The following IQSEC1 variants were observed in gnomAD, a reference collection of about 807,000 sequenced individuals.
IQSEC1 encodes the protein IQ motif and Sec7 domain ArfGEF 1.
IQSEC1 carries 31 observed loss-of-function variants against 91.0 expected under a neutral mutation model. The observed-to-expected ratio is 0.34, with a 90% CI of 0.26 to 0.46. The LOEUF (loss-of-function observed/expected upper bound fraction) is 0.46. Ranked by LOEUF, IQSEC1 falls within the 20% of genes least tolerant of loss-of-function variation. The pLI, the probability that IQSEC1 is intolerant of heterozygous loss-of-function variation, is 1.00. For synonymous variants in IQSEC1, 699 were observed against 662.6 expected, an observed-to-expected ratio of 1.05 and a Z score of -0.84; for missense variants, 1,388 against 1,575.6, an observed-to-expected ratio of 0.88 and a Z score of 2.02.
At chr3:12,906,603 G>C (rs1397052202) in intron 12 of IQSEC1, among the ~76,000 whole-genome samples, 1 of 152,236 alleles carries the variant, frequency 6.6e-6, no homozygotes, top group East Asian at 1.9e-4. Context: ...GTCCGTCTGA[G>C]CTCAGAATTC....
chr3:13,112,414 C>G (rs913381120), intron 2 of IQSEC1, among the ~76,000 whole-genome samples: 2 of 152,220 alleles, frequency 1.3e-5, no homozygotes, highest in Non-Finnish European at 2.9e-5. Flanking sequence ...GAAGAGTCCC[C>G]GGCACATGTG....
chr3:12,897,267 G>A lies in IQSEC1; in HGVS notation c.*3716C>T, dbSNP rs1263925363. 1 of 152,214 alleles carries A rather than the reference G, an allele frequency of 6.6e-6. No individual in the cohort carries two copies. The highest frequency in any genetic ancestry group is 1.5e-5 in the Non-Finnish European group (1 of 68,038). The allele number at this position is 152,214 out of a possible 1,614,324, so 9.4% of individuals were successfully genotyped here. A position where few individuals can be genotyped will look rare whatever the true frequency, so the allele number is the denominator to read the frequency against. The stretch of plus-strand genomic sequence containing the variant: ...ATTTCCCCACATGATCACAACCATG[G>A]TTTTACATTGATAGAGTCTGTTGCC... On this transcript the variant is annotated 3_prime_UTR_variant, in exon 14 of 14. Coordinates refer to ENST00000613206, the MANE Select transcript of IQSEC1 (RefSeq NM_001134382.3).
At chr3:13,117,613 G>A (rs1439356764) in intron 2 of IQSEC1, among the ~76,000 whole-genome samples, 1 of 144,260 alleles carries the variant, frequency 6.9e-6, no homozygotes, top group African/African-American at 2.6e-5. Context: ...ACGGCTGGGT[G>A]CAGTGGCTGA....
chr3:13,136,547 C>T (rs982707280), intron 2 of IQSEC1, among the ~76,000 whole-genome samples: 9 of 152,150 alleles, frequency 5.9e-5, no homozygotes, highest in South Asian at 2.1e-4. Context: ...ACAAAGGAGG[C>T]GGATCCAGGA....
upstream of IQSEC1, among the ~76,000 whole-genome samples, chr3:13,073,573 G>A (rs1017816916): frequency 6.6e-6 from 1 of 151,858 alleles, no homozygotes; most frequent in Non-Finnish European, 1.5e-5. Context: ...GCGCCCTCGC[G>A]GCAAAGTCAC....
At chr3:13,263,439 G>GAT (rs1695428589) in intron 1 of IQSEC1, among the ~76,000 whole-genome samples, 20 of 107,254 alleles carry the variant, frequency 1.9e-4, no homozygotes, top group East Asian at 6.3e-4. Flanking sequence ...GGGGGGGGGG[G>GAT]AAAGTACCTG....
chr3:13,110,422 C>G (rs375270714), intron 2 of IQSEC1, among the ~76,000 whole-genome samples: 7 of 152,100 alleles, frequency 4.6e-5, no homozygotes, highest in Admixed American at 2.0e-4. Context: ...AATCCCGTCT[C>G]TACTAAAAAT....
Position 12,900,799 on chromosome 3 carries a change from C to T in IQSEC1, c.*184G>A. The T allele has an allele frequency of 2.1e-6, 3 of 1,453,498 alleles. No homozygotes were observed. Among genetic ancestry groups the T allele is most frequent in the East Asian group, 2.5e-5 (1 of 40,162 alleles). The allele number at this position is 1,453,498 out of a possible 1,614,324, so 90.0% of individuals were successfully genotyped here. On this transcript the variant is annotated 3_prime_UTR_variant, in exon 14 of 14. Transcript: ENST00000613206. ...CCAGGGTGCCAACAAGAAATGAAAT[C>T]TGGGCCTTTGTTCCACACAACACCA...
chr3:13,179,148 G>T (rs528669948), intron 1 of IQSEC1, among the ~76,000 whole-genome samples: 1 of 152,316 alleles, frequency 6.6e-6, no homozygotes, highest in Non-Finnish European at 1.5e-5. Context: ...TGCAGAGCCT[G>T]ATTAAAGCCT....
chr3:12,936,274 T>G lies in IQSEC1; in HGVS notation c.742A>C (p.Ser248Arg). The G allele has an allele frequency of 6.2e-7, 1 of 1,613,302 alleles. No homozygotes were observed. The highest frequency in any genetic ancestry group is 1.1e-5 in the South Asian group (1 of 91,054). ...GCCGGTGCCTCCTCAGTGTGCAGGC[T>G]GCGGCAGTTGAGGGCATCGTCGATG... ...ESIDDALNCR[S>R]LHTEEAPALD... is the part of the protein sequence containing the mutation. The change falls in exon 3 of 14, where the codon AGC (serine) becomes CGC (arginine). Residue 248 changes from serine to arginine, a missense_variant. Transcript: ENST00000613206.
intron 1 of IQSEC1, among the ~76,000 whole-genome samples, chr3:13,183,442 T>G (rs1037527701): frequency 1.4e-5 from 2 of 144,802 alleles, no homozygotes; most frequent in African/African-American, 5.7e-5. Flanking sequence ...GGTGCAGGCC[T>G]GTGGTCCCAG....
intron 2 of IQSEC1, among the ~76,000 whole-genome samples, chr3:13,096,733 T>C (rs1480777968): frequency 6.6e-6 from 1 of 152,194 alleles, no homozygotes; most frequent in Non-Finnish European, 1.5e-5. Context: ...AGAATAGCAC[T>C]GTCACGCTTG....
Position 12,994,038 on chromosome 3 carries a change from C to A in IQSEC1, c.24-52173G>T, listed in dbSNP as rs1311002749. Among the ~76,000 whole-genome samples the A allele has an allele frequency of 6.7e-6, 1 of 148,670 alleles. No homozygotes were observed. The highest frequency in any genetic ancestry group is 1.5e-5 in the Non-Finnish European group (1 of 66,648). On this transcript the variant is annotated intron_variant, in intron 1 of 13. Coordinates refer to ENST00000613206, the MANE Select transcript of IQSEC1 (RefSeq NM_001134382.3). This position sits in a 1 kb window ranked among gnomAD's most constrained non-coding sequence, Gnocchi z 4.5. The stretch of plus-strand genomic sequence containing the variant: ...GCGACCCCCGCCCGGGGCCCCGCAC[C>A]GCACCGGTCGCCGGGCGCGTCCCCC...
At chr3:13,143,707 G>A (rs550217585) in intron 2 of IQSEC1, among the ~76,000 whole-genome samples, 8 of 152,292 alleles carry the variant, frequency 5.3e-5, no homozygotes, top group African/African-American at 1.9e-4. Context: ...TTGGGTGGCT[G>A]GGGCTGTGGG....
upstream of IQSEC1, among the ~76,000 whole-genome samples, chr3:13,073,465 C>T (rs371224883): frequency 2.5e-4 from 38 of 152,302 alleles, 2 homozygotes; most frequent in East Asian, 4.3e-3. Flanking sequence ...CTCCCCCACC[C>T]CCCGCGCCCA....
intron 3 of IQSEC1, among the ~76,000 whole-genome samples, chr3:12,925,797 G>A (rs1430690521): frequency 6.6e-6 from 1 of 152,226 alleles, no homozygotes. Context: ...AGCACACCAG[G>A]TCTGCACCTG....
At chr3:13,135,495 A>T (rs1706691620) in intron 2 of IQSEC1, among the ~76,000 whole-genome samples, 1 of 152,232 alleles carries the variant, frequency 6.6e-6, no homozygotes, top group African/African-American at 2.4e-5. Flanking sequence ...CCAGGAGGTG[A>T]CATGGGCTGG....
intron 1 of IQSEC1, among the ~76,000 whole-genome samples, chr3:13,186,578 G>A (rs1465895305): frequency 6.6e-6 from 1 of 152,184 alleles, no homozygotes; most frequent in Non-Finnish European, 1.5e-5. Flanking sequence ...TGTGAGGACC[G>A]CCTACAGCTG....
At chr3:13,250,834 G>A (rs74814345) in intron 1 of IQSEC1, among the ~76,000 whole-genome samples, 5,638 of 151,822 alleles carry the variant, frequency 0.037, 170 homozygotes, top group South Asian at 0.091. Flanking sequence ...CTCTGGTCCC[G>A]CCACTGTCAT....
Sources: allele counts gnomAD v4.1 joint callset (sites outside exome capture counted in the v4.1 genomes callset), GRCh38; gene constraint gnomAD v4.1.1; non-coding constraint Gnocchi (gnomAD v3.1); transcripts MANE v1.5; gene names NCBI Gene and HGNC (gene_info 2026-07-23, HGNC 2026-07-21).